Variants in PI4KA observed in about 807,000 individuals in gnomAD.
PI4KA encodes the protein phosphatidylinositol 4-kinase alpha, also known as PI4-kinase alpha.
Under a neutral mutation model 271.4 loss-of-function variants are expected in PI4KA, and 122 were observed. The ratio of observed to expected loss-of-function variants is 0.45; its 90% CI spans 0.39 to 0.52. PI4KA has a LOEUF of 0.52. Among genes scored for constraint, PI4KA ranks in the 20% least tolerant of loss-of-function variants. The probability of loss-of-function intolerance (pLI) is 0.00; values close to 1 mark genes in which losing one functional copy is unlikely to be tolerated. For synonymous variants in PI4KA, 1,041 were observed against 1,078.8 expected (o/e 0.96, Z 0.69); for missense variants, 1,969 against 2,769.1 (o/e 0.71, Z 6.48).
chr22:20,788,712 T>C, intron 19 of PI4KA, among the ~76,000 whole-genome samples: 1 of 152,160 alleles, frequency 6.6e-6, no homozygotes, highest in Admixed American at 6.5e-5. Flanking sequence ...GCCCACTCCT[T>C]CAATTCATTC....
chr22:20,857,976 C>A lies in PI4KA; in HGVS notation c.156+594G>T, dbSNP rs990730473. Among the ~76,000 whole-genome samples the A allele has an allele frequency of 4.6e-5, 7 of 152,224 alleles. No individual in the cohort carries two copies. The South Asian group carries it at 1.4e-3, about 32-fold the overall frequency. On this transcript the variant is annotated intron_variant, in intron 1 of 54. Coordinates refer to ENST00000255882, the MANE Select transcript of PI4KA (RefSeq NM_058004.4). ...TCTCCTTTCCCTGCCACTGTCCCTT[C>A]TGCAAACGCACAATCTTTTACCCAA...
At position 20,784,061 on chromosome 22, in the gene PI4KA, C is replaced by A. The variant is rs756525062; in HGVS notation, c.2328+9132G>T. The A allele has an allele frequency of 3.7e-5, 59 of 1,614,020 alleles. No individual in the cohort carries two copies. The highest frequency in any genetic ancestry group is 4.8e-5 in the Non-Finnish European group (57 of 1,180,036). On this transcript the variant is annotated intron_variant, in intron 19 of 54. Coordinates refer to ENST00000255882, the MANE Select transcript of PI4KA (RefSeq NM_058004.4). Reference sequence around the variant, plus strand: ...AGAGGTAGTTAAGGTTTCCATGATGCAGACCAAGGGGAACTTCCTCGCAGC... The same window carrying A: ...AGAGGTAGTTAAGGTTTCCATGATGAAGACCAAGGGGAACTTCCTCGCAGC...
At chr22:20,722,788 C>T (rs1443175909) in intron 42 of PI4KA, among the ~76,000 whole-genome samples, 2 of 152,126 alleles carry the variant, frequency 1.3e-5, no homozygotes, top group East Asian at 1.9e-4. Flanking sequence ...CTGGGTGAGT[C>T]GGGGGTGGTC....
chr22:20,708,764 T>C (rs1277105133), intron 54 of PI4KA, among the ~76,000 whole-genome samples: 1 of 112,312 alleles, frequency 8.9e-6, no homozygotes, highest in African/African-American at 4.1e-5. Flanking sequence ...CATCCTCCCT[T>C]TGTTCAGGCC....
intron 25 of PI4KA, among the ~76,000 whole-genome samples, chr22:20,752,297 T>C (rs73160986): frequency 0.099 from 15,101 of 152,192 alleles, 743 homozygotes; most frequent in Non-Finnish European, 0.11. Flanking sequence ...TGACCACCTG[T>C]GGTGGCGCTG....
At chr22:20,736,461 G>A (rs1476784279) in intron 32 of PI4KA, 1 of 152,618 alleles carries the variant, frequency 6.6e-6, no homozygotes, top group Non-Finnish European at 1.5e-5. Context: ...CCAACCGCAT[G>A]TGGAGAAGGG....
intron 42 of PI4KA, 192 bp from the exon 43 acceptor site, chr22:20,721,610 G>C (rs1926747223): frequency 6.8e-6 from 4 of 590,726 alleles, no homozygotes; most frequent in Non-Finnish European, 1.2e-5. Flanking sequence ...AGCTGGCTGG[G>C]GGCTGGGACC....
intron 3 of PI4KA, among the ~76,000 whole-genome samples, chr22:20,826,340 C>A (rs1046912978): frequency 2.0e-5 from 3 of 151,660 alleles, no homozygotes; most frequent in African/African-American, 7.3e-5. Context: ...GAGATCGTCT[C>A]AAAAAAAGAT....
Position 20,707,923 on chromosome 22 carries a change from G to A in PI4KA, c.*124C>T, listed in dbSNP as rs1468199479. The A allele has an allele frequency of 4.5e-6, 4 of 890,800 alleles. No homozygotes were observed. The highest frequency in any genetic ancestry group is 7.7e-6 in the Non-Finnish European group (4 of 522,300). The allele number at this position is 890,800 out of a possible 1,614,324, so 55.2% of individuals were successfully genotyped here. On this transcript the variant is annotated 3_prime_UTR_variant, in exon 55 of 55. Coordinates refer to ENST00000255882, the MANE Select transcript of PI4KA (RefSeq NM_058004.4). ...CGTGCTGCCCCAGGAGGCGCTACCAGGTTCTTTGGGCCACAGGCCTCTCCT... is the reference window on the plus strand; with the variant it reads ...CGTGCTGCCCCAGGAGGCGCTACCAAGTTCTTTGGGCCACAGGCCTCTCCT...
chr22:20,708,008 T>C lies in PI4KA; in HGVS notation c.*39A>G, dbSNP rs1058422. ...GGGCTCCATGATTGTGGGACAGCTTTGAGGGCACATGGGGCAGAGGCCCTC... is the reference window on the plus strand; with the variant it reads ...GGGCTCCATGATTGTGGGACAGCTTCGAGGGCACATGGGGCAGAGGCCCTC... On this transcript the variant is annotated 3_prime_UTR_variant, in exon 55 of 55. Transcript: ENST00000255882. 1.4e-5 allele frequency: 22 copies of C among 1,536,630 alleles called. No individual in the cohort carries two copies. Among genetic ancestry groups the C allele is most frequent in the African/African-American group, 9.5e-5 (7 of 73,464 alleles).
chr22:20,748,607 G>C (rs1485232905), intron 28 of PI4KA, among the ~76,000 whole-genome samples: 1 of 152,188 alleles, frequency 6.6e-6, no homozygotes, highest in East Asian at 1.9e-4. Flanking sequence ...GGCAAGCCTG[G>C]AACAGATGCA....
intron 12 of PI4KA, 60 bp downstream of exon 12, chr22:20,804,240 G>GT: frequency 8.9e-7 from 1 of 1,126,408 alleles, no homozygotes; most frequent in Non-Finnish European, 1.4e-6. Flanking sequence ...CAGCAACAGC[G>GT]TGACAAGAGG....
At chr22:20,763,026 G>GCGGT (rs1555888580) in intron 22 of PI4KA, among the ~76,000 whole-genome samples, 6 of 68,508 alleles carry the variant, frequency 8.8e-5, no homozygotes, top group South Asian at 5.4e-4. Flanking sequence ...TTGGGGGGGG[G>GCGGT]GGGGGTTAGA....
At chr22:20,739,338 CA>C (rs756945635) in intron 32 of PI4KA, among the ~76,000 whole-genome samples, 51 of 101,684 alleles carry the variant, frequency 5.0e-4, no homozygotes, top group East Asian at 2.3e-3. Flanking sequence ...GACTCCATCT[CA>C]AAAAAAAAAA....
At chr22:20,767,936 AATTATTATT>A (rs58742158) in intron 19 of PI4KA, among the ~76,000 whole-genome samples, 9,715 of 141,474 alleles carry the variant, frequency 0.069, 1,019 homozygotes, top group African/African-American at 0.23. Flanking sequence ...CACCTGGCCT[AATTATTATT>A]ATTATTATTA....
chr22:20,786,446 T>A (rs981851083), intron 19 of PI4KA, among the ~76,000 whole-genome samples: 2 of 152,126 alleles, frequency 1.3e-5, no homozygotes, highest in Non-Finnish European at 2.9e-5. Context: ...GGGAAATAGC[T>A]ACCCCCAGCC....
chr22:20,721,429 G>A lies in PI4KA; in HGVS notation c.4996-11C>T, dbSNP rs1196490058. ...CCGCACATAGCCCATCTGCAGGAGA[G>A]CAAGGTCCCTGTCAGCCAGGCTCGG... On this transcript the variant is annotated splice_polypyrimidine_tract_variant and intron_variant, in intron 42 of 54. Transcript: ENST00000255882. The A allele has an allele frequency of 3.7e-6, 6 of 1,612,846 alleles. No individual in the cohort carries two copies. The highest frequency in any genetic ancestry group is 1.7e-5 in the Admixed American group (1 of 59,988).
intron 18 of PI4KA, among the ~76,000 whole-genome samples, chr22:20,794,324 C>T (rs1343065435): frequency 6.6e-6 from 1 of 152,194 alleles, no homozygotes; most frequent in Non-Finnish European, 1.5e-5. Flanking sequence ...TCCTGAAACG[C>T]CCCTCAGACA....
At chr22:20,824,220 C>A in intron 4 of PI4KA, 106 bp downstream of exon 4, 1 of 769,904 alleles carries the variant, frequency 1.3e-6, no homozygotes, top group Admixed American at 2.0e-5. Flanking sequence ...AGATAAATAT[C>A]AACAAACAAT....
Sources: gnomAD v4.1 joint callset for allele counts (sites outside exome capture counted in the v4.1 genomes callset) on GRCh38, gnomAD v4.1.1 for gene constraint, MANE v1.5 for transcripts, NCBI Gene and HGNC (gene_info 2026-07-23, HGNC 2026-07-21) for gene names.